The following PCGF5 variants were observed in gnomAD, a reference collection of about 807,000 sequenced individuals.
The protein encoded by PCGF5 is polycomb group ring finger 5, also known as polycomb group RING finger protein 5.
In PCGF5, 9 loss-of-function variants were observed where a neutral mutation model predicts 44.3. That is an observed-to-expected ratio of 0.20 (90% CI 0.12 to 0.35). PCGF5 has a LOEUF of 0.35. Ranked by LOEUF, PCGF5 falls within the 10% of genes least tolerant of loss-of-function variation. The pLI, the probability that PCGF5 is intolerant of heterozygous loss-of-function variation, is 1.00. For synonymous variants in PCGF5, 95 were observed against 102.5 expected (o/e 0.93, Z 0.44); for missense variants, 146 against 305.3 (o/e 0.48, Z 3.89).
At chr10:91,275,506 T>C (rs1846286666) in intron 9 of PCGF5, among the ~76,000 whole-genome samples, 1 of 151,794 alleles carries the variant, frequency 6.6e-6, no homozygotes, top group African/African-American at 2.4e-5. Flanking sequence ...AGTGGTGCGA[T>C]CTTGGCTCAT....
chr10:91,246,938 G>A lies in PCGF5; in HGVS notation c.210-1567G>A, dbSNP rs999709658. The stretch of plus-strand genomic sequence containing the variant: ...GAAATCAGCAGAGATGTGATATATA[G>A]TCAGGCAGATAGATAGATGGATAGA... On this transcript the variant is annotated intron_variant, in intron 3 of 9. Transcript: ENST00000336126. Among the ~76,000 whole-genome samples, 5 of 150,310 alleles carry A rather than the reference G, an allele frequency of 3.3e-5. No homozygotes were observed. The South Asian group carries it at 8.5e-4, about 25-fold the overall frequency.
intron 1 of PCGF5, among the ~76,000 whole-genome samples, chr10:91,212,189 C>G (rs1330453912): frequency 6.6e-6 from 1 of 152,196 alleles, no homozygotes; most frequent in Non-Finnish European, 1.5e-5. Flanking sequence ...AAAGCTGATA[C>G]TCAGAAATAG....
At chr10:91,158,962 G>A (rs1843349116), upstream of PCGF5, among the ~76,000 whole-genome samples, 1 of 152,118 alleles carries the variant, frequency 6.6e-6, no homozygotes, top group Non-Finnish European at 1.5e-5. Context: ...TTTCTCCCCT[G>A]GAACTTCACA....
chr10:91,242,820 T>C (rs1014744445), intron 3 of PCGF5, among the ~76,000 whole-genome samples: 2 of 152,224 alleles, frequency 1.3e-5, no homozygotes, highest in Non-Finnish European at 2.9e-5. Context: ...TAGTGTATAT[T>C]TCCTAAGAAT....
At position 91,194,357 on chromosome 10, in the gene PCGF5, C is replaced by T. The variant is rs911901709; in HGVS notation, c.-183-28332C>T. Among the ~76,000 whole-genome samples the T allele has an allele frequency of 3.4e-4, 51 of 152,096 alleles. 1 individual carries two copies. Among genetic ancestry groups the T allele is most frequent in the Admixed American group, 2.8e-3 (42 of 15,268 alleles). On this transcript the variant is annotated intron_variant, in intron 1 of 9. Coordinates refer to the PCGF5 transcript ENST00000614189. ...TGGTGGTCAGAGGCTGAGGTGACTA[C>T]GGGAGAATGGCCAGAGAGATGCAAG...
intron 1 of PCGF5, among the ~76,000 whole-genome samples, chr10:91,165,005 A>G (rs988110682): frequency 7.2e-5 from 11 of 152,144 alleles, no homozygotes; most frequent in African/African-American, 2.7e-4. Flanking sequence ...TATATGAAAC[A>G]CTTAGTATTT....
At chr10:91,226,871 A>G (rs2133296805) in intron 2 of PCGF5, among the ~76,000 whole-genome samples, 1 of 152,276 alleles carries the variant, frequency 6.6e-6, no homozygotes. Flanking sequence ...CTTCTTACCT[A>G]CTAATACCTC....
chr10:91,251,467 T>G, intron 6 of PCGF5, 27 bp downstream of exon 6: 3 of 1,600,706 alleles, frequency 1.9e-6, no homozygotes, highest in Non-Finnish European at 2.6e-6. Flanking sequence ...TATGGTATTT[T>G]TATGATCAGT....
intron 3 of PCGF5, among the ~76,000 whole-genome samples, chr10:91,247,710 C>T (rs975328213): frequency 6.6e-6 from 1 of 151,964 alleles, no homozygotes; most frequent in African/African-American, 2.4e-5. Flanking sequence ...GTTTTCATTT[C>T]AGAAGGTAGA....
chr10:91,271,710 C>G lies in PCGF5; in HGVS notation c.723+13C>G. On this transcript the variant is annotated intron_variant, in intron 9 of 9. Transcript: ENST00000336126. The stretch of plus-strand genomic sequence containing the variant: ...CCCTTTGTATCAGGTAAGAGGCACT[C>G]ACGACTGTACATATGACCATCATGA... 6.2e-7 allele frequency: 1 copy of G among 1,606,126 alleles called. No homozygotes were observed. Among genetic ancestry groups the G allele is most frequent in the Non-Finnish European group, 8.5e-7 (1 of 1,172,842 alleles).
chr10:91,246,745 C>A (rs1845468830), intron 3 of PCGF5, among the ~76,000 whole-genome samples: 1 of 151,754 alleles, frequency 6.6e-6, no homozygotes, highest in African/African-American at 2.4e-5. Flanking sequence ...ATATTTTGAG[C>A]TGATTTGGAA....
At chr10:91,218,905 G>A (rs1844599573), upstream of PCGF5, among the ~76,000 whole-genome samples, 1 of 152,188 alleles carries the variant, frequency 6.6e-6, no homozygotes, top group African/African-American at 2.4e-5. Flanking sequence ...TAGGATTACA[G>A]GCATGAGCCA....
Position 91,222,928 on chromosome 10 carries a change from T to C in PCGF5, c.57T>C (p.Tyr19=). 1 of 1,613,666 alleles carries C rather than the reference T, an allele frequency of 6.2e-7. No homozygotes were observed. Among genetic ancestry groups the C allele is most frequent in the Non-Finnish European group, 8.5e-7 (1 of 1,179,528 alleles). Residue 19 remains tyrosine, a synonymous_variant, in exon 2 of 10, where the codon TAT becomes TAC. Transcript: ENST00000336126. ...VKDFNPYITC[Y]ICKGYLIKPT... is the part of the protein sequence containing the mutation. ...ATTTTAATCCTTACATTACCTGCTA[T>C]ATCTGTAAAGGGTATCTGATCAAGC... is the stretch of plus-strand genomic sequence containing the variant.
At chr10:91,237,331 G>A (rs983043994) in intron 2 of PCGF5, among the ~76,000 whole-genome samples, 7 of 152,074 alleles carry the variant, frequency 4.6e-5, no homozygotes, top group African/African-American at 7.2e-5. Flanking sequence ...GAAAAACAAA[G>A]CAAGTCAGAA....
chr10:91,208,462 A>T (rs1214021393), intron 1 of PCGF5, among the ~76,000 whole-genome samples: 1 of 152,140 alleles, frequency 6.6e-6, no homozygotes, highest in Non-Finnish European at 1.5e-5. Flanking sequence ...GAGGGCCCAG[A>T]TTCTGCATTC....
chr10:91,181,500 T>G (rs1178234518), intron 1 of PCGF5, among the ~76,000 whole-genome samples: 2 of 152,094 alleles, frequency 1.3e-5, no homozygotes, highest in Non-Finnish European at 2.9e-5. Flanking sequence ...GTTTGTCATA[T>G]ATCACTTTTA....
chr10:91,272,147 A>G (rs756122867), intron 9 of PCGF5, among the ~76,000 whole-genome samples: 9 of 152,220 alleles, frequency 5.9e-5, no homozygotes, highest in Non-Finnish European at 1.3e-4. Context: ...ACTTTACTTG[A>G]GTTACCTCTT....
chr10:91,218,056 G>C (rs1328983059), upstream of PCGF5, among the ~76,000 whole-genome samples: 1 of 152,182 alleles, frequency 6.6e-6, no homozygotes, highest in Non-Finnish European at 1.5e-5. Flanking sequence ...CAAAGTGCTG[G>C]GATTACAGGC....
intron 3 of PCGF5, among the ~76,000 whole-genome samples, chr10:91,248,208 C>T (rs2133370818): frequency 6.6e-6 from 1 of 152,166 alleles, no homozygotes; most frequent in Non-Finnish European, 1.5e-5. Flanking sequence ...TAAAGCCAGA[C>T]CGTATTTCCA....
Sources: gnomAD v4.1 joint callset for allele counts (sites outside exome capture counted in the v4.1 genomes callset) on GRCh38, gnomAD v4.1.1 for gene constraint, MANE v1.5 for transcripts, NCBI Gene and HGNC (gene_info 2026-07-23, HGNC 2026-07-21) for gene names.